The following TBC1D12 variants were observed in gnomAD, a reference collection of about 807,000 sequenced individuals.
TBC1D12 encodes TBC1 domain family member 12, also known as TBC1 domain family, member 12.
TBC1D12 carries 56 observed loss-of-function variants against 86.7 expected under a neutral mutation model. The observed-to-expected ratio is 0.65, with a 90% CI of 0.52 to 0.81. The LOEUF is 0.81. Ranked by LOEUF, TBC1D12 falls within the 30% of genes least tolerant of loss-of-function variation. TBC1D12 has a pLI of 0.00. For missense variants in TBC1D12, 1,023 were observed against 1,038.8 expected (o/e 0.98, Z 0.21); for synonymous variants, 421 against 411.7 (o/e 1.02, Z -0.27).
At position 94,531,409 on chromosome 10, in the gene TBC1D12, C is replaced by T. The variant is rs754677322; in HGVS notation, c.2208C>T (p.Phe736=). ...LPEDITSEKL[F]SCIAAIQMQN... ...AAGATATCACATCGGAAAAGCTGTT[C>T]AGTTGTATTGCAGCCATTCAGATGC... is the stretch of plus-strand genomic sequence containing the variant. Residue 736 remains phenylalanine, a synonymous_variant, in exon 12 of 13, where the codon TTC becomes TTT. Transcript: ENST00000225235. 13 of 1,614,050 alleles carry T rather than the reference C, an allele frequency of 8.1e-6. No individual in the cohort carries two copies. The highest frequency in any genetic ancestry group is 1.6e-4 in the Middle Eastern group (1 of 6,062).
intron 9 of TBC1D12, among the ~76,000 whole-genome samples, chr10:94,514,687 T>C (rs911379764): frequency 6.6e-6 from 1 of 152,226 alleles, no homozygotes; most frequent in Non-Finnish European, 1.5e-5. Context: ...CTTATGTTGA[T>C]TCCTTAACTT....
At chr10:94,419,517 A>C (rs1340560894) in intron 1 of TBC1D12, among the ~76,000 whole-genome samples, 1 of 152,108 alleles carries the variant, frequency 6.6e-6, no homozygotes, top group Non-Finnish European at 1.5e-5. Flanking sequence ...TACTAAAAAT[A>C]GAAAAATTAG....
At position 94,469,447 on chromosome 10, in the gene TBC1D12, C is replaced by CTTTT. The variant is rs71031578; in HGVS notation, c.1096-5205_1096-5202dup. 2.5e-3 allele frequency among the ~76,000 whole-genome samples: 277 copies of CTTTT among 112,552 alleles called. 4 individuals carry two copies. Among genetic ancestry groups the CTTTT allele is most frequent in the East Asian group, 6.1e-3 (21 of 3,458 alleles). The allele number at this position is 112,552 out of a possible 152,430, so 73.8% of individuals were successfully genotyped here. On this transcript the variant is annotated intron_variant, in intron 2 of 12. Coordinates refer to ENST00000225235, the MANE Select transcript of TBC1D12 (RefSeq NM_015188.2). ...CTATGCTAGTTTCTGGAGTTTTTTC[C>CTTTT]TTTTTTTTTTTTTTTTTTTGAGATG...
At chr10:94,469,642 G>A (rs1286142890) in intron 2 of TBC1D12, among the ~76,000 whole-genome samples, 4 of 151,942 alleles carry the variant, frequency 2.6e-5, no homozygotes. Context: ...TAGAGACAGA[G>A]TTTCAGCATG....
chr10:94,503,077 A>G lies in TBC1D12; in HGVS notation c.1519+2750A>G, dbSNP rs150236283. On this transcript the variant is annotated intron_variant, in intron 6 of 12. Coordinates refer to ENST00000225235, the MANE Select transcript of TBC1D12 (RefSeq NM_015188.2). ...TTCTGTGGCTTTCTTTCTTCACACT[A>G]TAATCTATCTTGAACATCTTCCATG... is the stretch of plus-strand genomic sequence containing the variant. 7.7e-4 allele frequency among the ~76,000 whole-genome samples: 117 copies of G among 152,262 alleles called. 1 individual carries two copies. In the East Asian group the frequency reaches 0.012, roughly 16 times the overall value.
rs193069139 is a variant in TBC1D12 at position 94,496,956 on chromosome 10, C to T, written c.1295-99C>T. 2,806 of 569,588 alleles carry T rather than the reference C, an allele frequency of 4.9e-3. 14 individuals are homozygous for T. Among genetic ancestry groups the T allele is most frequent in the Non-Finnish European group, 5.4e-3 (1,919 of 358,132 alleles). The allele number at this position is 569,588 out of a possible 1,614,324, so 35.3% of individuals were successfully genotyped here. On this transcript the variant is annotated intron_variant, in intron 4 of 12. Transcript: ENST00000225235. ...CCTTCCTTCCTCTTATGATAATATTCTTTTTGAGAAAGTCTATTTTGTAGA... is the reference window on the plus strand; with the variant it reads ...CCTTCCTTCCTCTTATGATAATATTTTTTTTGAGAAAGTCTATTTTGTAGA...
In TBC1D12 at chr10:94,402,733, C is replaced by G; in HGVS notation, c.120C>G (p.Gly40=). The G allele has an allele frequency of 6.4e-7, 1 of 1,560,696 alleles. No individual in the cohort carries two copies. The highest frequency in any genetic ancestry group is 8.7e-7 in the Non-Finnish European group (1 of 1,152,544). The change falls in exon 1 of 13, where the codon GGC becomes GGG. Residue 40 remains glycine (G), a synonymous_variant. Transcript: ENST00000225235. The part of the protein sequence containing the change: ...RKVIRATGGF[G]GGVGAVEPPE... ...TAATCCGGGCCACGGGCGGCTTTGG[C>G]GGAGGCGTCGGCGCTGTGGAGCCGC...
intron 5 of TBC1D12, among the ~76,000 whole-genome samples, chr10:94,498,998 T>A (rs1448080374): frequency 1.3e-5 from 2 of 152,072 alleles, no homozygotes; most frequent in African/African-American, 4.8e-5. Context: ...CTCGAACTTT[T>A]GGGTTCAAGC....
At position 94,535,565 on chromosome 10, in the gene TBC1D12, A is replaced by G. The variant is rs563373849; in HGVS notation, c.*2469A>G. Reference sequence around the variant, plus strand: ...TCAAAAGGTAATTGCTATTATAGGGACTTACTTATTGGAGACTGGTAATAT... The same window carrying G: ...TCAAAAGGTAATTGCTATTATAGGGGCTTACTTATTGGAGACTGGTAATAT... On this transcript the variant is annotated 3_prime_UTR_variant, in exon 13 of 13. Transcript: ENST00000225235. 1.4e-4 allele frequency: 22 copies of G among 152,180 alleles called. No homozygotes were observed. The highest frequency in any genetic ancestry group is 4.8e-4 in the African/African-American group (20 of 41,536). The allele number at this position is 152,180 out of a possible 1,614,324, so 9.4% of individuals were successfully genotyped here. A position where few individuals can be genotyped will look rare whatever the true frequency, so the allele number is the denominator to read the frequency against.
In TBC1D12 at chr10:94,486,307, C is replaced by A. The variant is rs563402405; in HGVS notation, c.1212-7058C>A. 3.3e-5 allele frequency among the ~76,000 whole-genome samples: 5 copies of A among 151,942 alleles called. No individual in the cohort carries two copies. The South Asian group carries it at 8.3e-4, about 25-fold the overall frequency. On this transcript the variant is annotated intron_variant, in intron 3 of 12. Transcript: ENST00000225235. ...GGACTAAAGGCACATGCCACCATGCCCAGCTAATTTTTGGGTTTCTTTTCT... is the reference window on the plus strand; with the variant it reads ...GGACTAAAGGCACATGCCACCATGCACAGCTAATTTTTGGGTTTCTTTTCT...
At chr10:94,520,691 G>T (rs372949362) in intron 9 of TBC1D12, among the ~76,000 whole-genome samples, 1 of 151,752 alleles carries the variant, frequency 6.6e-6, no homozygotes, top group Non-Finnish European at 1.5e-5. Flanking sequence ...ACCGAGTCTC[G>T]CTCTGTCACC....
At chr10:94,517,265 C>T (rs1012990093) in intron 9 of TBC1D12, among the ~76,000 whole-genome samples, 2 of 152,082 alleles carry the variant, frequency 1.3e-5, no homozygotes, top group Non-Finnish European at 2.9e-5. Context: ...GTAATCCCAG[C>T]TACTCAGGAG....
rs370235121 is a variant in TBC1D12, at chr10:94,465,794, G to GCATACATA, written c.1096-8869_1096-8862dup. 2.6e-3 allele frequency among the ~76,000 whole-genome samples: 381 copies of GCATACATA among 147,512 alleles called. 11 individuals are homozygous for GCATACATA. The East Asian group carries it at 0.061, about 23-fold the overall frequency. On this transcript the variant is annotated intron_variant, in intron 2 of 12. Transcript: ENST00000225235. Reference sequence around the variant, plus strand: ...TATACGCATACATACATACATATACGCATACATACATATACGCATACATAC... The same window carrying GCATACATA: ...TATACGCATACATACATACATATACGCATACATACATACATACATATACGCATACATAC...
At chr10:94,493,746 G>GT (rs1387932115) in intron 4 of TBC1D12, among the ~76,000 whole-genome samples, 1 of 151,452 alleles carries the variant, frequency 6.6e-6, no homozygotes, top group African/African-American at 2.4e-5. Context: ...TAGAGATGAG[G>GT]TTTTACCATG....
chr10:94,410,482 C>T (rs1343386339), intron 1 of TBC1D12, among the ~76,000 whole-genome samples: 1 of 152,176 alleles, frequency 6.6e-6, no homozygotes, highest in African/African-American at 2.4e-5. Context: ...CTCAGGTGAT[C>T]TGCTCACCTC....
At chr10:94,500,799 T>C (rs1028316807) in intron 6 of TBC1D12, among the ~76,000 whole-genome samples, 3 of 152,190 alleles carry the variant, frequency 2.0e-5, no homozygotes, top group African/African-American at 7.2e-5. Context: ...CTCATGCCTG[T>C]AATCCCAGCA....
At position 94,533,215 on chromosome 10, in the gene TBC1D12, G is replaced by A; in HGVS notation, c.*119G>A. ...GAGATACCTAAAAGAATCAAGAGGTGGAAAACTGCTGATTTTACATTTTAT... is the reference window on the plus strand; with the variant it reads ...GAGATACCTAAAAGAATCAAGAGGTAGAAAACTGCTGATTTTACATTTTAT... On this transcript the variant is annotated 3_prime_UTR_variant, in exon 13 of 13. Coordinates refer to ENST00000225235, the MANE Select transcript of TBC1D12 (RefSeq NM_015188.2). 4 of 548,376 alleles carry A rather than the reference G, an allele frequency of 7.3e-6. No individual in the cohort carries two copies. Among genetic ancestry groups the A allele is most frequent in the Non-Finnish European group, 1.3e-5 (4 of 319,736 alleles). The allele number at this position is 548,376 out of a possible 1,614,324, so 34.0% of individuals were successfully genotyped here. A position where few individuals can be genotyped will look rare whatever the true frequency, so the allele number is the denominator to read the frequency against.
chr10:94,428,628 T>C (rs919204966), intron 1 of TBC1D12, among the ~76,000 whole-genome samples: 2 of 151,764 alleles, frequency 1.3e-5, no homozygotes, highest in African/African-American at 4.8e-5. Flanking sequence ...GTGCAGACAA[T>C]ATTTTTTTCT....
intron 6 of TBC1D12, 92 bp downstream of exon 6, chr10:94,500,419 G>T: frequency 2.0e-6 from 2 of 1,024,414 alleles, no homozygotes; most frequent in Admixed American, 2.8e-5. Context: ...TAAAATAAAT[G>T]GCCTTTATCA....
Sources: gnomAD v4.1 joint callset for allele counts (sites outside exome capture counted in the v4.1 genomes callset) on GRCh38, gnomAD v4.1.1 for gene constraint, MANE v1.5 for transcripts, NCBI Gene and HGNC (gene_info 2026-07-23, HGNC 2026-07-21) for gene names.